Variants in OR6C75 observed in about 807,000 individuals in gnomAD.
OR6C75 encodes olfactory receptor 6C75.
For missense variants in OR6C75, 380 were observed against 368.0 expected (o/e 1.03, Z -0.27); for synonymous variants, 149 against 130.6 (o/e 1.14, Z -0.96).
chr12:55,363,240 C>T (rs1478779320), intron 1 of OR6C75, among the ~76,000 whole-genome samples, 191 bp downstream of exon 1: 1 of 152,058 alleles, frequency 6.6e-6, no homozygotes, highest in Non-Finnish European at 1.5e-5. Context: ...CTTGAAAAAT[C>T]CAACAGCATT....
intron 2 of OR6C75, among the ~76,000 whole-genome samples, chr12:55,364,262 G>C (rs1182318018): frequency 7.3e-6 from 1 of 137,324 alleles, no homozygotes; most frequent in African/African-American, 2.7e-5. Flanking sequence ...ACAGGCATGA[G>C]TCATTGTGTC....
intron 2 of OR6C75, among the ~76,000 whole-genome samples, chr12:55,364,430 A>ATTCTCCT (rs1401334973): frequency 4.9e-5 from 7 of 142,668 alleles, no homozygotes; most frequent in Non-Finnish European, 9.0e-5. Context: ...GGTTCAAGCA[A>ATTCTCCT]TTCTCCTGCC....
At position 55,366,029 on chromosome 12, in the gene OR6C75, A is replaced by AT. The variant is rs1285931138; in HGVS notation, c.925dup (p.Ser309PhefsTer4). On this transcript the variant is annotated frameshift_variant, in exon 3 of 3. Coordinates refer to ENST00000641576, the MANE Select transcript of OR6C75 (RefSeq NM_001005497.2). LOFTEE classifies it high-confidence loss of function. The stretch of plus-strand genomic sequence containing the variant: ...CTTCAAGAGCATGGTCCAGAAGATG[A>AT]TTTTTTCTTTAAATAAATGAATGTG... 1.9e-6 allele frequency: 3 copies of AT among 1,566,476 alleles called. No individual in the cohort carries two copies. The highest frequency in any genetic ancestry group is 2.0e-5 in the Admixed American group (1 of 49,776).
chr12:55,365,878 G>A lies in OR6C75; in HGVS notation c.768G>A (p.Met256Ile), dbSNP rs112198730. ...TCTCTTACAGTAGCTGTATCTTCAT[G>A]TACATTAAGACTTCTGCCAGAGAAA... ...VSISYSSCIF[M>I]YIKTSARERV... Residue 256 changes from methionine to isoleucine, a missense_variant, in exon 3 of 3, where the codon ATG becomes ATA. Met to Ile is a conservative substitution (Grantham distance 10). Transcript: ENST00000641576. The A allele has an allele frequency of 8.9e-5, 143 of 1,613,888 alleles. 1 individual carries two copies. The African/African-American group carries it at 1.5e-3, about 17-fold the overall frequency.
intron 1 of OR6C75, 45 bp downstream of exon 1, chr12:55,363,094 A>G (rs1869708722): frequency 6.6e-6 from 1 of 152,314 alleles, no homozygotes; most frequent in Admixed American, 6.5e-5. Flanking sequence ...ATTTGGGTTG[A>G]TGTATAAAAA....
rs771631508 is a variant in OR6C75, at chr12:55,365,895, C to T, written c.785C>T (p.Ala262Val). ...SCIFMYIKTS[A>V]RERVTLSKGV... ...ATCTTCATGTACATTAAGACTTCTG[C>T]CAGAGAAAGGGTGACTTTAAGCAAA... Residue 262 changes from alanine to valine, a missense_variant, in exon 3 of 3, where the codon GCC (alanine) becomes GTC (valine). Coordinates refer to ENST00000641576, the MANE Select transcript of OR6C75 (RefSeq NM_001005497.2). 13 of 1,613,766 alleles carry T rather than the reference C, an allele frequency of 8.1e-6. No individual in the cohort carries two copies. The highest frequency in any genetic ancestry group is 3.3e-4 in the Middle Eastern group (2 of 6,080).
chr12:55,366,628 G>A lies in OR6C75; in HGVS notation c.*579G>A, dbSNP rs1050953854. On this transcript the variant is annotated 3_prime_UTR_variant, in exon 3 of 3. Transcript: ENST00000641576. ...GGAAAAACATGTTATAAAACTAAAA[G>A]CATCATTAAAATGTCTCCTTGTATT... 4 of 151,778 alleles carry A rather than the reference G, an allele frequency of 2.6e-5. No individual in the cohort carries two copies. Among genetic ancestry groups the A allele is most frequent in the Non-Finnish European group, 4.4e-5 (3 of 67,920 alleles). 9.4% of individuals were successfully genotyped at this position (151,778 alleles called of 1,614,324 possible). A position where few individuals can be genotyped will look rare whatever the true frequency, so the allele number is the denominator to read the frequency against.
rs923771576 is a variant in OR6C75, at chr12:55,367,779, G to T, written c.*1730G>T. 1 of 152,076 alleles carries T rather than the reference G, an allele frequency of 6.6e-6. No homozygotes were observed. The highest frequency in any genetic ancestry group is 1.5e-5 in the Non-Finnish European group (1 of 68,020). The allele number at this position is 152,076 out of a possible 1,614,324, so 9.4% of individuals were successfully genotyped here. On this transcript the variant is annotated 3_prime_UTR_variant, in exon 3 of 3. Coordinates refer to ENST00000641576, the MANE Select transcript of OR6C75 (RefSeq NM_001005497.2). Reference sequence around the variant, plus strand: ...AAAGGTTCCTCCAAAAAACTCCTAGGCCTGATAAACTACTTGAGTAAAGTT... The same window carrying T: ...AAAGGTTCCTCCAAAAAACTCCTAGTCCTGATAAACTACTTGAGTAAAGTT...
rs770977393 is a variant in OR6C75 at position 55,365,673 on chromosome 12, C to T, written c.563C>T (p.Thr188Ile). ...DSSPMLQLSC[T>I]NTHFLELMAF... Reference sequence around the variant, plus strand: ...TCTCCAATGCTGCAGCTCTCTTGCACAAACACTCACTTTCTAGAACTCATG... The same window carrying T: ...TCTCCAATGCTGCAGCTCTCTTGCATAAACACTCACTTTCTAGAACTCATG... Residue 188 changes from threonine to isoleucine, a missense_variant, in exon 3 of 3, where the codon ACA becomes ATA. Coordinates refer to ENST00000641576, the MANE Select transcript of OR6C75 (RefSeq NM_001005497.2). 1 of 1,614,124 alleles carries T rather than the reference C, an allele frequency of 6.2e-7. No individual in the cohort carries two copies. The highest frequency in any genetic ancestry group is 8.5e-7 in the Non-Finnish European group (1 of 1,180,004).
At position 55,367,290 on chromosome 12, in the gene OR6C75, A is replaced by C. The variant is rs1000901061; in HGVS notation, c.*1241A>C. 2.6e-5 allele frequency: 4 copies of C among 152,162 alleles called. No individual in the cohort carries two copies. Among genetic ancestry groups the C allele is most frequent in the Non-Finnish European group, 5.9e-5 (4 of 68,034 alleles). 9.4% of individuals were successfully genotyped at this position (152,162 alleles called of 1,614,324 possible). A position where few individuals can be genotyped will look rare whatever the true frequency, so the allele number is the denominator to read the frequency against. On this transcript the variant is annotated 3_prime_UTR_variant, in exon 3 of 3. Coordinates refer to ENST00000641576, the MANE Select transcript of OR6C75 (RefSeq NM_001005497.2). The stretch of plus-strand genomic sequence containing the variant: ...GTTGTTGAATCCAGCAGCACATCAA[A>C]AAGATAATTCACCACGATCAAGTGG...
chr12:55,367,042 C>T lies in OR6C75; in HGVS notation c.*993C>T, dbSNP rs988732355. ...TGATACTGCCCTTTTATAAGGTATT[C>T]GGCGAATGATGACGTGGTTTATTAA... is the stretch of plus-strand genomic sequence containing the variant. On this transcript the variant is annotated 3_prime_UTR_variant, in exon 3 of 3. Coordinates refer to ENST00000641576, the MANE Select transcript of OR6C75 (RefSeq NM_001005497.2). 2 of 152,032 alleles carry T rather than the reference C, an allele frequency of 1.3e-5. No individual in the cohort carries two copies. Among genetic ancestry groups the T allele is most frequent in the African/African-American group, 2.4e-5 (1 of 41,408 alleles). 9.4% of individuals were successfully genotyped at this position (152,032 alleles called of 1,614,324 possible).
chr12:55,363,999 G>A (rs1417802331), intron 2 of OR6C75, 117 bp downstream of exon 2: 5 of 138,986 alleles, frequency 3.6e-5, no homozygotes, highest in African/African-American at 1.4e-4. Context: ...TTTTTTCCGA[G>A]ACGGAGTCTG....
chr12:55,364,926 T>A lies in OR6C75; in HGVS notation c.-185T>A. The A allele has an allele frequency of 1.7e-6, 1 of 574,832 alleles. No homozygotes were observed. Among genetic ancestry groups the A allele is most frequent in the East Asian group, 2.9e-5 (1 of 34,054 alleles). 35.6% of individuals were successfully genotyped at this position (574,832 alleles called of 1,614,324 possible). On this transcript the variant is annotated 5_prime_UTR_variant, in exon 3 of 3. It removes the in-frame stop codon of an upstream open reading frame in the 5' UTR. Coordinates refer to ENST00000641576, the MANE Select transcript of OR6C75 (RefSeq NM_001005497.2). ...CACAATGGAATGTTATCCAGCCTCA[T>A]AAAAGAAGGAGATACTGCCACACTG... is the stretch of plus-strand genomic sequence containing the variant.
In OR6C75 at chr12:55,366,261, C is replaced by G; in HGVS notation, c.*212C>G. 1 of 408,018 alleles carries G rather than the reference C, an allele frequency of 2.5e-6. No individual in the cohort carries two copies. Among genetic ancestry groups the G allele is most frequent in the Non-Finnish European group, 4.4e-6 (1 of 229,624 alleles). 25.3% of individuals were successfully genotyped at this position (408,018 alleles called of 1,614,324 possible). A position where few individuals can be genotyped will look rare whatever the true frequency, so the allele number is the denominator to read the frequency against. On this transcript the variant is annotated 3_prime_UTR_variant, in exon 3 of 3. Transcript: ENST00000641576. ...AGTGTTCGCTCTCTCACCTATGTAACTAAATTTTAGGTAAATTAATAATTA... is the reference window on the plus strand; with the variant it reads ...AGTGTTCGCTCTCTCACCTATGTAAGTAAATTTTAGGTAAATTAATAATTA...
intron 1 of OR6C75, 88 bp downstream of exon 1, chr12:55,363,137 T>C (rs1324435771): frequency 6.6e-6 from 1 of 152,170 alleles, no homozygotes; most frequent in Non-Finnish European, 1.5e-5. Flanking sequence ...GTAAACGTTA[T>C]AGAGAAGCTC....
rs373251254 is a variant in OR6C75 at position 55,364,078 on chromosome 12, A to G, written c.-236+196A>G. 8.8e-4 allele frequency among the ~76,000 whole-genome samples: 132 copies of G among 150,446 alleles called. 4 individuals carry two copies. In the South Asian group the frequency reaches 0.027, roughly 31 times the overall value. On this transcript the variant is annotated intron_variant, in intron 2 of 2. Coordinates refer to ENST00000641576, the MANE Select transcript of OR6C75 (RefSeq NM_001005497.2). ...ACTGCAACCTCCGCCTCCTGGGTTC[A>G]AGCAATTCTCCTGCCTCAGCCTCTG...
rs148910713 is a variant in OR6C75, at chr12:55,365,868, G to T, written c.758G>T (p.Cys253Phe). The T allele has an allele frequency of 6.2e-7, 1 of 1,613,810 alleles. No individual in the cohort carries two copies. Among genetic ancestry groups the T allele is most frequent in the Admixed American group, 1.7e-5 (1 of 59,994 alleles). ...MIVVSISYSS[C>F]IFMYIKTSAR... ...GTTGTCTCCATCTCTTACAGTAGCT[G>T]TATCTTCATGTACATTAAGACTTCT... Residue 253 changes from cysteine (C) to phenylalanine (F), a missense_variant, in exon 3 of 3, where the codon TGT (cysteine) becomes TTT (phenylalanine). Coordinates refer to ENST00000641576, the MANE Select transcript of OR6C75 (RefSeq NM_001005497.2).
chr12:55,363,167 T>C (rs1039457455), intron 1 of OR6C75, 118 bp downstream of exon 1: 1 of 152,170 alleles, frequency 6.6e-6, no homozygotes, highest in African/African-American at 2.4e-5. Context: ...TTCTTTATTA[T>C]CAATATTTTG....
rs1371074804 is a variant in OR6C75 at position 55,365,210 on chromosome 12, A to G, written c.100A>G (p.Met34Val). The G allele has an allele frequency of 9.9e-6, 16 of 1,612,306 alleles. No individual in the cohort carries two copies. The highest frequency in any genetic ancestry group is 1.3e-5 in the African/African-American group (1 of 74,776). ...VLFIFLLVTY[M>V]LSVTGNLIII... ...TTTCATATTTCTTCTTGTTACCTAC[A>G]TGTTAAGTGTGACTGGGAACCTGAT... Residue 34 changes from methionine (M) to valine (V), a missense_variant, in exon 3 of 3, where the codon ATG becomes GTG. Met to Val is a conservative substitution (Grantham distance 21). Transcript: ENST00000641576.
Sources: allele counts gnomAD v4.1 joint callset (sites outside exome capture counted in the v4.1 genomes callset), GRCh38; gene constraint gnomAD v4.1.1; transcripts MANE v1.5; gene names NCBI Gene and HGNC (gene_info 2026-07-23, HGNC 2026-07-21).